SOX6: variants seen among roughly 807,000 people sequenced by gnomAD.
SOX6 encodes SRY-box transcription factor 6, also known as transcription factor SOX-6.
Under a neutral mutation model 97.8 loss-of-function variants are expected in SOX6, and 11 were observed. The observed-to-expected ratio is 0.11, with a 90% CI of 0.07 to 0.19. The LOEUF (loss-of-function observed/expected upper bound fraction) is 0.19, where lower values mean the gene tolerates loss of function less well. SOX6 is among the 10% of genes least tolerant of loss of function. The pLI, the probability that SOX6 is intolerant of heterozygous loss-of-function variation, is 1.00. For synonymous variants in SOX6, 360 were observed against 371.4 expected (o/e 0.97, Z 0.35); for missense variants, 810 against 1,039.5 (o/e 0.78, Z 3.04).
chr11:16,168,036 T>C (rs940189698), intron 6 of SOX6, among the ~76,000 whole-genome samples: 3 of 152,082 alleles, frequency 2.0e-5, no homozygotes, highest in African/African-American at 7.2e-5. Context: ...TAGGACACCA[T>C]TGGAGATATC....
At chr11:16,421,463 A>T (rs1420577205) in intron 1 of SOX6, among the ~76,000 whole-genome samples, 2 of 152,176 alleles carry the variant, frequency 1.3e-5, no homozygotes, top group Non-Finnish European at 2.9e-5. Context: ...GTTCTATTTC[A>T]TACCCCTGAA....
At chr11:16,191,290 C>T (rs1851623646) in intron 4 of SOX6, among the ~76,000 whole-genome samples, 1 of 151,916 alleles carries the variant, frequency 6.6e-6, no homozygotes, top group Non-Finnish European at 1.5e-5. Context: ...ACCTGTCTCT[C>T]CAAAAATTTT....
chr11:15,988,668 G>A (rs1853942096), intron 14 of SOX6, among the ~76,000 whole-genome samples: 2 of 152,278 alleles, frequency 1.3e-5, no homozygotes, highest in South Asian at 4.1e-4. Context: ...TTGTCTCCAC[G>A]ATTCTTGTTT....
intron 9 of SOX6, among the ~76,000 whole-genome samples, chr11:16,090,106 T>C (rs1848653067): frequency 6.6e-6 from 1 of 152,082 alleles, no homozygotes; most frequent in South Asian, 2.1e-4. Flanking sequence ...AATCATCACA[T>C]CTTACAAGAA....
In SOX6 at chr11:16,096,049, A is replaced by G; in HGVS notation, c.1048T>C (p.Leu350=). Residue 350 remains leucine (L), a synonymous_variant, in exon 9 of 16, where the codon TTG becomes CTG. Transcript: ENST00000683767. ...CCACCACCATGTTCAAAGGTGTCCA[A>G]ATTCCTGCCAAAACGGTCACTTAGG... is the stretch of plus-strand genomic sequence containing the variant. The part of the protein sequence containing the change: ...KGLSDRFGRN[L]DTFEHGGGHS... 1 of 1,611,894 alleles carries G rather than the reference A, an allele frequency of 6.2e-7. No individual in the cohort carries two copies. The highest frequency in any genetic ancestry group is 8.5e-7 in the Non-Finnish European group (1 of 1,178,652).
At chr11:16,675,787 A>AAAAATTTCTGT (rs1469106150) in intron 3 of SOX6, among the ~76,000 whole-genome samples, 1 of 152,164 alleles carries the variant, frequency 6.6e-6, no homozygotes. Context: ...GGCTTCCATG[A>AAAAATTTCTGT]TTTCTGATGA....
chr11:16,283,785 C>T (rs990094790), intron 3 of SOX6: 3 of 271,572 alleles, frequency 1.1e-5, no homozygotes, highest in African/African-American at 7.0e-5. Context: ...AGAGAGGAAA[C>T]TCTATTCAAT....
At position 15,967,933 on chromosome 11, in the gene SOX6, T is replaced by A. The variant is rs1312206157; in HGVS notation, c.*4876A>T. 1 of 138,604 alleles carries A rather than the reference T, an allele frequency of 7.2e-6. No homozygotes were observed. The highest frequency in any genetic ancestry group is 7.2e-5 in the Admixed American group (1 of 13,986). The allele number at this position is 138,604 out of a possible 1,614,324, so 8.6% of individuals were successfully genotyped here. A position where few individuals can be genotyped will look rare whatever the true frequency, so the allele number is the denominator to read the frequency against. The stretch of plus-strand genomic sequence containing the variant: ...ACCTCTGCCCCAAAGGTACCAGCAT[T>A]CCAAATATTTGTTCATGAGCTTTTG... On this transcript the variant is annotated 3_prime_UTR_variant, in exon 16 of 16. Transcript: ENST00000683767.
intron 3 of SOX6, among the ~76,000 whole-genome samples, chr11:16,709,304 G>A (rs2134046522): frequency 6.6e-6 from 1 of 152,146 alleles, no homozygotes; most frequent in East Asian, 1.9e-4. Flanking sequence ...AATCACTTGA[G>A]GTCAGGAGTT....
intron 12 of SOX6, among the ~76,000 whole-genome samples, chr11:16,043,382 T>A (rs531772095): frequency 5.9e-5 from 9 of 152,122 alleles, no homozygotes; most frequent in Non-Finnish European, 1.3e-4. Context: ...AAGGTGCCAT[T>A]ACAGTCTATT....
At chr11:16,321,604 A>T (rs1352915397) in intron 2 of SOX6, among the ~76,000 whole-genome samples, 1 of 152,090 alleles carries the variant, frequency 6.6e-6, no homozygotes, top group Non-Finnish European at 1.5e-5. Context: ...CACCACAGAC[A>T]ATAACCATGG....
intron 4 of SOX6, among the ~76,000 whole-genome samples, chr11:16,548,038 A>G (rs1589980946): frequency 6.6e-6 from 1 of 152,204 alleles, no homozygotes; most frequent in East Asian, 1.9e-4. Context: ...GGAAAAATTA[A>G]ACAATACATA....
chr11:16,103,902 A>G (rs1049120486), intron 7 of SOX6, among the ~76,000 whole-genome samples: 1 of 151,902 alleles, frequency 6.6e-6, no homozygotes, highest in Non-Finnish European at 1.5e-5. Flanking sequence ...GGTATAAAAG[A>G]CTACATATTG....
intron 9 of SOX6, 77 bp from the exon 10 acceptor site, chr11:16,055,978 A>G (rs1275657128): frequency 6.7e-7 from 1 of 1,499,932 alleles, no homozygotes; most frequent in Admixed American, 1.8e-5. Context: ...AACTTACCAT[A>G]TTGTTAGATT....
intron 1 of SOX6, among the ~76,000 whole-genome samples, chr11:16,425,410 C>T (rs1410800748): frequency 6.6e-6 from 1 of 152,186 alleles, no homozygotes; most frequent in Admixed American, 6.5e-5. Flanking sequence ...AAGGTCTCTG[C>T]AAGGATGCCT....
intron 1 of SOX6, among the ~76,000 whole-genome samples, chr11:16,428,371 T>A (rs1310984420): frequency 3.3e-5 from 5 of 152,264 alleles, no homozygotes; most frequent in Admixed American, 6.5e-5. Context: ...TTGCCATTGC[T>A]TTTGGTGTTT....
At chr11:16,074,436 T>G (rs1013840516) in intron 9 of SOX6, among the ~76,000 whole-genome samples, 1 of 152,148 alleles carries the variant, frequency 6.6e-6, no homozygotes, top group Non-Finnish European at 1.5e-5. Flanking sequence ...ATTCCAAAAT[T>G]GAATCAGTAA....
At chr11:16,532,063 TC>T (rs1371986887) in intron 4 of SOX6, among the ~76,000 whole-genome samples, 1 of 151,866 alleles carries the variant, frequency 6.6e-6, no homozygotes, top group Admixed American at 6.6e-5. Flanking sequence ...AGTGAAGACT[TC>T]CTATGCCATT....
intron 2 of SOX6, among the ~76,000 whole-genome samples, chr11:16,731,244 A>G (rs1388533662): frequency 1.3e-5 from 2 of 152,206 alleles, no homozygotes; most frequent in Non-Finnish European, 2.9e-5. Flanking sequence ...AACTCACTTT[A>G]TGGGTTCAGC....
Sources: allele counts gnomAD v4.1 joint callset (sites outside exome capture counted in the v4.1 genomes callset), GRCh38; gene constraint gnomAD v4.1.1; transcripts MANE v1.5; gene names NCBI Gene and HGNC (gene_info 2026-07-23, HGNC 2026-07-21).